Variants in DUSP29 observed in about 807,000 individuals in gnomAD.
DUSP29 encodes dual specificity phosphatase 29, also known as atypical dual-specific protein phosphatase.
A neutral mutation model predicts 13.5 loss-of-function variants in DUSP29; 12 were observed. The ratio of observed to expected loss-of-function variants is 0.89; its 90% confidence interval spans 0.57 to 1.44. The LOEUF (loss-of-function observed/expected upper bound fraction) is 1.44. Among genes scored for constraint, DUSP29 ranks in the 40% most tolerant of loss-of-function variants. DUSP29 has a pLI of 0.00. For missense variants in DUSP29, 308 were observed against 301.1 expected (o/e 1.02, Z -0.17); for synonymous variants, 134 against 128.7 (o/e 1.04, Z -0.28).
intron 1 of DUSP29, among the ~76,000 whole-genome samples, chr10:75,068,407 T>C (rs1356202569): frequency 2.6e-5 from 4 of 152,058 alleles, no homozygotes; most frequent in Non-Finnish European, 5.9e-5. Flanking sequence ...AGCCCAGGAG[T>C]TTGAGGCTGC....
In DUSP29 at chr10:75,043,895, T is replaced by C; in HGVS notation, c.323A>G (p.Tyr108Cys). The change falls in exon 3 of 4, where the codon TAC becomes TGC. Residue 108 changes from tyrosine (Y) to cysteine (C), a missense_variant. Physicochemically the swap from Tyr to Cys is radical, Grantham distance 194. Coordinates refer to ENST00000338487, the MANE Select transcript of DUSP29 (RefSeq NM_001003892.3). ...CAGGTCGTCGGCCTCCACGCCGTGG[T>C]ACTGGATGTCCATGTCGCGGTAGTA... ...PDYYRDMDIQ[Y>C]HGVEADDLPT... 1.2e-6 allele frequency: 2 copies of C among 1,614,038 alleles called. No individual in the cohort carries two copies. The highest frequency in any genetic ancestry group is 1.7e-6 in the Non-Finnish European group (2 of 1,179,956).
chr10:75,056,772 A>T (rs1033862190), intron 2 of DUSP29, among the ~76,000 whole-genome samples: 4 of 152,342 alleles, frequency 2.6e-5, no homozygotes, highest in Middle Eastern at 3.4e-3. Flanking sequence ...AACACTGGTT[A>T]GTCAGGGGTA....
At chr10:75,071,359 G>A (rs984718504) in intron 1 of DUSP29, among the ~76,000 whole-genome samples, 2 of 152,190 alleles carry the variant, frequency 1.3e-5, no homozygotes, top group African/African-American at 4.8e-5. Context: ...AAGGCTTGGT[G>A]GAGGCTGCTC....
chr10:75,043,922 T>C lies in DUSP29; in HGVS notation c.296A>G (p.Asp99Gly), dbSNP rs1846646237. 1.9e-6 allele frequency: 3 copies of C among 1,613,890 alleles called. No individual in the cohort carries two copies. The highest frequency in any genetic ancestry group is 2.5e-6 in the Non-Finnish European group (3 of 1,179,932). Residue 99 changes from aspartate (D) to glycine (G), a missense_variant, in exon 3 of 4, where the codon GAC (aspartate) becomes GGC (glycine). Physicochemically the swap from Asp to Gly is moderately conservative, Grantham distance 94 (BLOSUM62 -1). Coordinates refer to ENST00000338487, the MANE Select transcript of DUSP29 (RefSeq NM_001003892.3). ...CTGGATGTCCATGTCGCGGTAGTAG[T>C]CGGGCCCAGTGTCCACGTTCCAGCG... The part of the protein sequence containing the change: ...HGRWNVDTGP[D>G]YYRDMDIQYH...
At chr10:75,069,293 G>C (rs199661272) in intron 1 of DUSP29, among the ~76,000 whole-genome samples, 1 of 152,180 alleles carries the variant, frequency 6.6e-6, no homozygotes, top group African/African-American at 2.4e-5. Flanking sequence ...GGACTTTCTC[G>C]AGCGGCCAGG....
At chr10:75,045,743 G>A (rs899468968) in intron 2 of DUSP29, among the ~76,000 whole-genome samples, 1 of 152,224 alleles carries the variant, frequency 6.6e-6, no homozygotes, top group Non-Finnish European at 1.5e-5. Context: ...GCCATAGGAA[G>A]GAGTATTATT....
At chr10:75,041,372 G>T (rs944321446) in intron 3 of DUSP29, among the ~76,000 whole-genome samples, 1 of 152,154 alleles carries the variant, frequency 6.6e-6, no homozygotes, top group Non-Finnish European at 1.5e-5. Flanking sequence ...CCTAAAAATC[G>T]AGTGATTTTA....
intron 1 of DUSP29, among the ~76,000 whole-genome samples, chr10:75,062,139 G>A (rs1354427067): frequency 6.6e-6 from 1 of 152,210 alleles, no homozygotes; most frequent in African/African-American, 2.4e-5. Context: ...AGACCTTTCA[G>A]TCCCCTAAGA....
intron 2 of DUSP29, among the ~76,000 whole-genome samples, chr10:75,054,468 G>A (rs918556086): frequency 1.3e-5 from 2 of 152,106 alleles, no homozygotes; most frequent in African/African-American, 2.4e-5. Context: ...AAAAGAAAAT[G>A]TTTATGAATG....
At chr10:75,065,862 CTAT>C (rs927702554) in intron 1 of DUSP29, among the ~76,000 whole-genome samples, 5 of 151,512 alleles carry the variant, frequency 3.3e-5, no homozygotes, top group African/African-American at 9.7e-5. Context: ...AGCTAATTTA[CTAT>C]TATTATTATC....
intron 1 of DUSP29, among the ~76,000 whole-genome samples, chr10:75,065,953 A>C (rs1183316905): frequency 6.6e-6 from 1 of 151,834 alleles, no homozygotes; most frequent in Non-Finnish European, 1.5e-5. Flanking sequence ...CCTGTCTCCA[A>C]CTTCTGGCTT....
At chr10:75,043,571 C>T (rs1006661285) in intron 3 of DUSP29, among the ~76,000 whole-genome samples, 1 of 152,342 alleles carries the variant, frequency 6.6e-6, no homozygotes, top group Admixed American at 6.5e-5. Flanking sequence ...CCTTTACCCT[C>T]GGCCACAAGC....
rs368001344 is a variant in DUSP29 at position 75,046,864 on chromosome 10, G to A, written c.201-2847C>T. Among the ~76,000 whole-genome samples, 28 of 152,324 alleles carry A rather than the reference G, an allele frequency of 1.8e-4. No homozygotes were observed. The East Asian group carries it at 3.3e-3, about 18-fold the overall frequency. On this transcript the variant is annotated intron_variant, in intron 2 of 3. Transcript: ENST00000338487. ...GCTGAGTAGCAATCAACCTCACTTT[G>A]AGGTTGAGCTCAGTGGAAAAATTAA...
intron 2 of DUSP29, among the ~76,000 whole-genome samples, chr10:75,050,998 C>G (rs1377176318): frequency 6.6e-6 from 1 of 152,244 alleles, no homozygotes; most frequent in Admixed American, 6.5e-5. Flanking sequence ...GGTGAATCCC[C>G]TTGAGCTAAC....
intron 2 of DUSP29, among the ~76,000 whole-genome samples, chr10:75,057,673 G>C (rs1412525407): frequency 6.6e-6 from 1 of 152,192 alleles, no homozygotes; most frequent in African/African-American, 2.4e-5. Context: ...GTGCATCTCA[G>C]TTGTGTAGGG....
rs7912497 is a variant in DUSP29 at position 75,052,521 on chromosome 10, A to C, written c.200+5794T>G. Among the ~76,000 whole-genome samples the C allele has an allele frequency of 4.5e-3, 683 of 152,064 alleles. 7 individuals are homozygous for C. The highest frequency in any genetic ancestry group is 0.016 in the African/African-American group (644 of 41,506). On this transcript the variant is annotated intron_variant, in intron 2 of 3. Coordinates refer to ENST00000338487, the MANE Select transcript of DUSP29 (RefSeq NM_001003892.3). Reference sequence around the variant, plus strand: ...ACAGCATTTCACCGTGTTAGCCAGGATGGTCTCAATCTCCTGACCTCGTAA... The same window carrying C: ...ACAGCATTTCACCGTGTTAGCCAGGCTGGTCTCAATCTCCTGACCTCGTAA...
At chr10:75,057,552 G>A (rs1589864927) in intron 2 of DUSP29, among the ~76,000 whole-genome samples, 1 of 152,166 alleles carries the variant, frequency 6.6e-6, no homozygotes, top group South Asian at 2.1e-4. Flanking sequence ...CTATCACTGG[G>A]TTATCAGGAG....
At chr10:75,062,200 G>A (rs1035459312) in intron 1 of DUSP29, among the ~76,000 whole-genome samples, 2 of 152,240 alleles carry the variant, frequency 1.3e-5, no homozygotes, top group Non-Finnish European at 2.9e-5. Context: ...GTCTAAAGGT[G>A]TGAAGCTCAG....
intron 2 of DUSP29, among the ~76,000 whole-genome samples, chr10:75,049,669 C>A (rs149600831): frequency 1.6e-4 from 24 of 152,360 alleles, no homozygotes; most frequent in African/African-American, 4.8e-4. Context: ...ACCCACACCT[C>A]GAAGAAGCAG....
Sources: gnomAD v4.1 joint callset for allele counts (sites outside exome capture counted in the v4.1 genomes callset) on GRCh38, gnomAD v4.1.1 for gene constraint, MANE v1.5 for transcripts, NCBI Gene and HGNC (gene_info 2026-07-23, HGNC 2026-07-21) for gene names.